Variants in TYW1 observed in about 807,000 individuals in gnomAD.
The protein encoded by TYW1 is S-adenosyl-L-methionine-dependent tRNA 4-demethylwyosine synthase TYW1.
A neutral mutation model predicts 96.2 loss-of-function variants in TYW1; 46 were observed. That is an observed-to-expected ratio of 0.48 (90% CI 0.38 to 0.61). The LOEUF (loss-of-function observed/expected upper bound fraction) is 0.61, where lower values mean the gene tolerates loss of function less well. Among genes scored for constraint, TYW1 ranks in the 20% least tolerant of loss-of-function variants. TYW1 has a pLI of 0.00. For synonymous variants in TYW1, 274 were observed against 323.0 expected (o/e 0.85, Z 1.63); for missense variants, 684 against 909.6 (o/e 0.75, Z 3.19).
chr7:67,001,903 G>A (rs918841703), intron 3 of TYW1, among the ~76,000 whole-genome samples: 56 of 151,922 alleles, frequency 3.7e-4, no homozygotes, highest in African/African-American at 1.3e-3. Flanking sequence ...GCGTGGTGGT[G>A]CACGTCTGTA....
At chr7:67,170,518 G>A (rs531763859) in intron 13 of TYW1, among the ~76,000 whole-genome samples, 6 of 152,176 alleles carry the variant, frequency 3.9e-5, no homozygotes, top group African/African-American at 1.4e-4. Flanking sequence ...TAGCATTCAC[G>A]TAACATAAAA....
intron 13 of TYW1, among the ~76,000 whole-genome samples, chr7:67,159,080 CTT>C (rs916638380): frequency 2.6e-5 from 4 of 152,110 alleles, no homozygotes; most frequent in African/African-American, 7.2e-5. Context: ...TTAAATTGCT[CTT>C]GTTTTTCTAC....
chr7:67,133,585 G>C (rs117864562), intron 13 of TYW1, among the ~76,000 whole-genome samples: 28,048 of 129,076 alleles, frequency 0.22, 3,348 homozygotes, highest in African/African-American at 0.36. Flanking sequence ...GTTGTCCCAG[G>C]TACTTGGCGG....
intron 6 of TYW1, among the ~76,000 whole-genome samples, chr7:67,018,478 C>T (rs1197252199): frequency 2.6e-5 from 4 of 151,794 alleles, no homozygotes; most frequent in Non-Finnish European, 5.9e-5. Context: ...GAGTTTGAGA[C>T]TGCAGTGAGC....
chr7:67,009,492 A>G (rs1198007213), intron 3 of TYW1, 91 bp from the exon 4 acceptor site: 3 of 1,107,348 alleles, frequency 2.7e-6, no homozygotes, highest in African/African-American at 3.2e-5. Flanking sequence ...ATTTTTCATG[A>G]GGAATGCCAC....
chr7:67,122,410 A>C (rs1044431307), intron 13 of TYW1, among the ~76,000 whole-genome samples: 6 of 152,230 alleles, frequency 3.9e-5, no homozygotes, highest in Non-Finnish European at 7.3e-5. Flanking sequence ...GCAAATTAAA[A>C]AACAAACATT....
In TYW1 at chr7:67,221,018, C is replaced by T. The variant is rs552407625; in HGVS notation, c.1978-17290C>T. Among the ~76,000 whole-genome samples, 27 of 152,248 alleles carry T rather than the reference C, an allele frequency of 1.8e-4. No individual in the cohort carries two copies. The South Asian group carries it at 2.3e-3, about 13-fold the overall frequency. ...CTGGGTTTACAGGTGTGAGCCACCGCGCCCGTCCAAGTGCTTTATTTTCTT... is the reference window on the plus strand; with the variant it reads ...CTGGGTTTACAGGTGTGAGCCACCGTGCCCGTCCAAGTGCTTTATTTTCTT... On this transcript the variant is annotated intron_variant, in intron 15 of 15. Coordinates refer to ENST00000359626, the MANE Select transcript of TYW1 (RefSeq NM_018264.4).
intron 13 of TYW1, among the ~76,000 whole-genome samples, chr7:67,119,138 C>T (rs1373093447): frequency 6.6e-6 from 1 of 151,160 alleles, no homozygotes; most frequent in Non-Finnish European, 1.5e-5. Context: ...TCCTTCCTTC[C>T]TTGCTTCCTT....
At chr7:67,198,878 T>C (rs1230333502) in intron 15 of TYW1, among the ~76,000 whole-genome samples, 1 of 152,072 alleles carries the variant, frequency 6.6e-6, no homozygotes, top group Non-Finnish European at 1.5e-5. Context: ...AGAATACAGT[T>C]CCCCCCTTCC....
chr7:67,001,344 G>A (rs1185061539), intron 3 of TYW1, among the ~76,000 whole-genome samples: 2 of 151,848 alleles, frequency 1.3e-5, no homozygotes, highest in Non-Finnish European at 2.9e-5. Flanking sequence ...AGTTGATTTT[G>A]GGGTAGATAG....
intron 13 of TYW1, among the ~76,000 whole-genome samples, chr7:67,169,496 G>T (rs1011308915): frequency 6.6e-6 from 1 of 152,114 alleles, no homozygotes; most frequent in African/African-American, 2.4e-5. Flanking sequence ...TGTCTCCCGG[G>T]TTCAAGTGAT....
chr7:66,999,579 C>G (rs1030778178), intron 3 of TYW1, among the ~76,000 whole-genome samples: 1 of 152,170 alleles, frequency 6.6e-6, no homozygotes, highest in African/African-American at 2.4e-5. Flanking sequence ...CTCTCAAACT[C>G]CTGGGCTCAG....
At chr7:67,201,560 A>C (rs1800600123) in intron 15 of TYW1, among the ~76,000 whole-genome samples, 1 of 151,122 alleles carries the variant, frequency 6.6e-6, no homozygotes, top group African/African-American at 2.4e-5. Context: ...GGTGTCGTCC[A>C]TGGAGATGAT....
At chr7:67,152,810 A>G (rs1431497232) in intron 13 of TYW1, among the ~76,000 whole-genome samples, 2 of 152,096 alleles carry the variant, frequency 1.3e-5, no homozygotes, top group South Asian at 4.1e-4. Context: ...CATGTTAGCC[A>G]GTTTGGTCTT....
chr7:67,231,937 A>G (rs1372199719), intron 15 of TYW1, among the ~76,000 whole-genome samples: 3 of 152,190 alleles, frequency 2.0e-5, no homozygotes, highest in African/African-American at 7.2e-5. Flanking sequence ...TATTAAAAAA[A>G]AAATCTTTTT....
At chr7:67,041,189 C>T (rs1795008103) in intron 7 of TYW1, among the ~76,000 whole-genome samples, 1 of 152,126 alleles carries the variant, frequency 6.6e-6, no homozygotes, top group African/African-American at 2.4e-5. Flanking sequence ...TAGGTTACAG[C>T]AGGGTGTTCA....
intron 10 of TYW1, among the ~76,000 whole-genome samples, chr7:67,074,038 C>T (rs561742923): frequency 1.5e-4 from 22 of 146,362 alleles, no homozygotes; most frequent in Admixed American, 7.6e-4. Flanking sequence ...GCCGAGATCA[C>T]GCCACTGCAC....
chr7:67,055,977 G>A (rs1477071685), intron 9 of TYW1, 90 bp downstream of exon 9: 5 of 982,638 alleles, frequency 5.1e-6, no homozygotes, highest in African/African-American at 5.0e-5. Flanking sequence ...ACTATTTAGA[G>A]GTATAATTTA....
chr7:67,186,070 T>C (rs1253794975), intron 14 of TYW1, among the ~76,000 whole-genome samples: 1 of 144,218 alleles, frequency 6.9e-6, no homozygotes, highest in Non-Finnish European at 1.5e-5. Context: ...GGAGCTCTAA[T>C]GATGCAAAGA....
Sources: gnomAD v4.1 joint callset for allele counts (sites outside exome capture counted in the v4.1 genomes callset) on GRCh38, gnomAD v4.1.1 for gene constraint, MANE v1.5 for transcripts, NCBI Gene and HGNC (gene_info 2026-07-23, HGNC 2026-07-21) for gene names.